Variants in AUTS2 observed in about 807,000 individuals in gnomAD.
The protein encoded by AUTS2 is activator of transcription and developmental regulator AUTS2.
AUTS2 carries 17 observed loss-of-function variants against 112.4 expected under a neutral mutation model. The ratio of observed to expected loss-of-function variants is 0.15; its 90% confidence interval spans 0.10 to 0.23. The LOEUF is 0.23. AUTS2 is among the 10% of genes least tolerant of loss of function. AUTS2 has a pLI of 1.00. For synonymous variants in AUTS2, 751 were observed against 702.7 expected (o/e 1.07, Z -1.09); for missense variants, 1,510 against 1,701.6 (o/e 0.89, Z 1.98).
intron 6 of AUTS2, among the ~76,000 whole-genome samples, chr7:70,748,112 G>C (rs1414306184): frequency 6.6e-6 from 1 of 151,440 alleles, no homozygotes; most frequent in Non-Finnish European, 1.5e-5. Context: ...ACAGGCATGA[G>C]CCACCGCGCC....
chr7:69,804,595 T>C (rs1019227732), intron 1 of AUTS2, among the ~76,000 whole-genome samples: 4 of 152,230 alleles, frequency 2.6e-5, no homozygotes, highest in Non-Finnish European at 5.9e-5. Context: ...CAGACTTTGC[T>C]TTATCATTCT....
intron 5 of AUTS2, among the ~76,000 whole-genome samples, chr7:70,669,399 T>G (rs1228678579): frequency 1.3e-5 from 2 of 152,242 alleles, no homozygotes; most frequent in Non-Finnish European, 2.9e-5. Flanking sequence ...CTGGCTTTCT[T>G]CTGCCCTACA....
At chr7:70,002,570 G>T (rs1799246594) in intron 2 of AUTS2, among the ~76,000 whole-genome samples, 1 of 152,096 alleles carries the variant, frequency 6.6e-6, no homozygotes, top group Admixed American at 6.6e-5. Context: ...AATAAGATTT[G>T]CTAGGACTAA....
chr7:70,174,517 TAGA>T (rs1808881059), intron 4 of AUTS2, among the ~76,000 whole-genome samples: 1 of 152,190 alleles, frequency 6.6e-6, no homozygotes. Context: ...AGCCTTCTAT[TAGA>T]AGAAGATGCC....
intron 1 of AUTS2, among the ~76,000 whole-genome samples, chr7:69,648,163 C>A (rs28493290): frequency 0.076 from 11,544 of 152,150 alleles, 595 homozygotes; most frequent in African/African-American, 0.14. Flanking sequence ...TCTGATGCAG[C>A]CTGCATGGGT....
At chr7:70,532,741 C>T (rs1477248232) in intron 5 of AUTS2, among the ~76,000 whole-genome samples, 1 of 152,078 alleles carries the variant, frequency 6.6e-6, no homozygotes, top group Non-Finnish European at 1.5e-5. Flanking sequence ...TACAGTGCCT[C>T]GTCTTGACCA....
At chr7:69,718,473 T>C (rs560286282) in intron 1 of AUTS2, among the ~76,000 whole-genome samples, 1 of 152,328 alleles carries the variant, frequency 6.6e-6, no homozygotes, top group Non-Finnish European at 1.5e-5. Flanking sequence ...TGTATGGCTC[T>C]TCCCTTCATC....
chr7:69,710,433 G>T (rs961758052), intron 1 of AUTS2, among the ~76,000 whole-genome samples: 3 of 152,226 alleles, frequency 2.0e-5, no homozygotes, highest in Non-Finnish European at 4.4e-5. Context: ...TCTTTGAGAT[G>T]CAGTAGACTG....
At chr7:69,867,476 G>A (rs1793287120) in intron 1 of AUTS2, among the ~76,000 whole-genome samples, 1 of 152,198 alleles carries the variant, frequency 6.6e-6, no homozygotes, top group Non-Finnish European at 1.5e-5. Flanking sequence ...AACTGCAGAA[G>A]CACCTGTTCT....
At chr7:70,344,326 C>T (rs1585039521) in intron 4 of AUTS2, among the ~76,000 whole-genome samples, 1 of 152,174 alleles carries the variant, frequency 6.6e-6, no homozygotes, top group Admixed American at 6.5e-5. Context: ...GAGAGGGGAC[C>T]CTAATTGTCC....
chr7:70,220,575 G>A (rs1475624334), intron 4 of AUTS2, among the ~76,000 whole-genome samples: 1 of 152,222 alleles, frequency 6.6e-6, no homozygotes, highest in Admixed American at 6.5e-5. Context: ...GTTTAAGAGA[G>A]AGGGAAGTCA....
At chr7:70,042,337 A>G (rs1038357743) in intron 2 of AUTS2, among the ~76,000 whole-genome samples, 7 of 152,116 alleles carry the variant, frequency 4.6e-5, no homozygotes, top group Admixed American at 3.9e-4. Flanking sequence ...TGATAATGAG[A>G]TTTTCAAGGT....
At chr7:70,525,518 A>G (rs548078723) in intron 5 of AUTS2, among the ~76,000 whole-genome samples, 26 of 152,340 alleles carry the variant, frequency 1.7e-4, no homozygotes, top group African/African-American at 6.3e-4. Context: ...ATTTTTTCCC[A>G]GATACCAGCT....
intron 2 of AUTS2, among the ~76,000 whole-genome samples, chr7:70,056,798 C>T (rs1437537689): frequency 6.6e-6 from 1 of 152,154 alleles, no homozygotes; most frequent in African/African-American, 2.4e-5. Flanking sequence ...AGATAAAGAT[C>T]AGTGTGGATG....
At chr7:69,978,016 G>A (rs960801794) in intron 2 of AUTS2, among the ~76,000 whole-genome samples, 1 of 152,130 alleles carries the variant, frequency 6.6e-6, no homozygotes, top group Non-Finnish European at 1.5e-5. Flanking sequence ...CATTTTCTTG[G>A]AAGCAGAAGT....
intron 4 of AUTS2, among the ~76,000 whole-genome samples, chr7:70,371,398 T>C (rs1000366955): frequency 7.2e-5 from 11 of 152,206 alleles, no homozygotes; most frequent in Admixed American, 1.3e-4. Context: ...CCATCTGCCT[T>C]TATTTTGACC....
At chr7:70,668,140 C>T (rs1301632010) in intron 5 of AUTS2, among the ~76,000 whole-genome samples, 1 of 152,234 alleles carries the variant, frequency 6.6e-6, no homozygotes, top group African/African-American at 2.4e-5. Context: ...CCACCACGCC[C>T]AACTAATTTT....
intron 4 of AUTS2, among the ~76,000 whole-genome samples, chr7:70,261,627 T>C (rs760737767): frequency 1.2e-4 from 18 of 152,350 alleles, no homozygotes; most frequent in South Asian, 4.1e-4. Context: ...TATGAACATA[T>C]TGAAATCAGA....
chr7:70,269,940 A>G (rs151161051), intron 4 of AUTS2, among the ~76,000 whole-genome samples: 119 of 152,310 alleles, frequency 7.8e-4, no homozygotes, highest in African/African-American at 2.8e-3. Flanking sequence ...TTGGGAGGCC[A>G]AAGTGGAAGG....
Sources: gnomAD v4.1 joint callset for allele counts (sites outside exome capture counted in the v4.1 genomes callset) on GRCh38, gnomAD v4.1.1 for gene constraint, MANE v1.5 for transcripts, NCBI Gene and HGNC (gene_info 2026-07-23, HGNC 2026-07-21) for gene names.